The following SCOC variants were observed in gnomAD, a reference collection of about 807,000 sequenced individuals.
SCOC encodes the protein short coiled coil protein.
SCOC carries 7 observed loss-of-function variants against 9.9 expected under a neutral mutation model. The observed-to-expected ratio is 0.71, with a 90% CI of 0.40 to 1.33. The LOEUF (loss-of-function observed/expected upper bound fraction) is 1.33. Among genes scored for constraint, SCOC ranks in the 40% most tolerant of loss-of-function variants. The pLI is 0.01. For synonymous variants in SCOC, 19 were observed against 28.2 expected (o/e 0.67, Z 1.03); for missense variants, 66 against 89.7 (o/e 0.74, Z 1.07).
At chr4:140,281,960 C>T (rs1392502011) in intron 1 of SCOC, among the ~76,000 whole-genome samples, 1 of 152,108 alleles carries the variant, frequency 6.6e-6, no homozygotes, top group Non-Finnish European at 1.5e-5. Flanking sequence ...AATTGGGTAT[C>T]CTATATACAT....
At chr4:140,368,499 G>A (rs955020563) in intron 2 of SCOC, among the ~76,000 whole-genome samples, 16 of 152,162 alleles carry the variant, frequency 1.1e-4, no homozygotes, top group African/African-American at 3.9e-4. Context: ...AATAAGGACT[G>A]TAAACCAAAA....
At chr4:140,313,546 C>T (rs1032098721) in intron 1 of SCOC, among the ~76,000 whole-genome samples, 18 of 152,272 alleles carry the variant, frequency 1.2e-4, no homozygotes, top group African/African-American at 4.3e-4. Flanking sequence ...ACGACTGTGC[C>T]CGGCGGAAAT....
chr4:140,362,313 T>TCTTCCTCTTCC (rs1727594134), intron 2 of SCOC, among the ~76,000 whole-genome samples: 1 of 84,176 alleles, frequency 1.2e-5, no homozygotes, highest in Non-Finnish European at 2.7e-5. Context: ...TTTTTTTTTT[T>TCTTCCTCTTCC]TTGTGAGAGT....
chr4:140,312,856 G>A (rs1393654086), intron 1 of SCOC, among the ~76,000 whole-genome samples: 3 of 152,004 alleles, frequency 2.0e-5, no homozygotes, highest in Admixed American at 1.3e-4. Context: ...CCTTTTTGCT[G>A]AATTTTTAAG....
intron 1 of SCOC, among the ~76,000 whole-genome samples, chr4:140,322,156 C>G (rs1732517997): frequency 1.3e-5 from 2 of 152,266 alleles, no homozygotes; most frequent in South Asian, 4.1e-4. Context: ...TAGTCTAAAA[C>G]AGACTATGAC....
intron 1 of SCOC, among the ~76,000 whole-genome samples, chr4:140,302,551 T>C (rs1400572095): frequency 2.0e-5 from 3 of 152,232 alleles, no homozygotes; most frequent in Non-Finnish European, 4.4e-5. Flanking sequence ...CGTTCTCCCA[T>C]TCATACATGA....
chr4:140,260,409 C>T (rs1029359768), intron 1 of SCOC, among the ~76,000 whole-genome samples: 13 of 152,116 alleles, frequency 8.5e-5, no homozygotes, highest in Admixed American at 5.9e-4. Flanking sequence ...GAAATGATGG[C>T]GAGTGTGTTT....
At chr4:140,370,425 G>T (rs1436783460), upstream of SCOC, among the ~76,000 whole-genome samples, 1 of 152,124 alleles carries the variant, frequency 6.6e-6, no homozygotes, top group Non-Finnish European at 1.5e-5. Context: ...TCAGAAATTT[G>T]CCAGCCTTTT....
intron 1 of SCOC, among the ~76,000 whole-genome samples, chr4:140,319,925 A>G (rs1288821498): frequency 6.6e-6 from 1 of 152,208 alleles, no homozygotes; most frequent in East Asian, 1.9e-4. Context: ...TGCATAAAAA[A>G]CTGGTAAGAA....
At chr4:140,268,743 A>G (rs115810130) in intron 1 of SCOC, among the ~76,000 whole-genome samples, 3,053 of 152,250 alleles carry the variant, frequency 0.02, 96 homozygotes, top group African/African-American at 0.069. Context: ...CAACAGGGGC[A>G]TGGGGTTTGA....
At chr4:140,288,807 C>T (rs1204725907) in intron 1 of SCOC, among the ~76,000 whole-genome samples, 5 of 152,052 alleles carry the variant, frequency 3.3e-5, no homozygotes, top group Admixed American at 2.6e-4. Context: ...ACACAGTACA[C>T]GTAAATACCC....
intron 1 of SCOC, among the ~76,000 whole-genome samples, chr4:140,278,292 G>A (rs933038730): frequency 6.6e-6 from 1 of 150,962 alleles, no homozygotes; most frequent in Admixed American, 6.6e-5. Flanking sequence ...GAGGGAGGCA[G>A]CTCTCTGAAG....
At chr4:140,336,866 T>G (rs995872456) in intron 1 of SCOC, among the ~76,000 whole-genome samples, 2 of 152,210 alleles carry the variant, frequency 1.3e-5, no homozygotes, top group Non-Finnish European at 2.9e-5. Context: ...ATGTTTCTAT[T>G]TCTCCATATC....
chr4:140,306,136 A>G (rs1389584879), intron 1 of SCOC, among the ~76,000 whole-genome samples: 1 of 152,202 alleles, frequency 6.6e-6, no homozygotes, highest in Non-Finnish European at 1.5e-5. Flanking sequence ...ATGGCTGGGG[A>G]GGTCTCACAA....
upstream of SCOC, chr4:140,343,320 C>T (rs1250828614): frequency 4.4e-6 from 1 of 227,448 alleles, no homozygotes; most frequent in Non-Finnish European, 8.6e-6. Context: ...GGACAATTTC[C>T]TTGAGCAATT....
chr4:140,322,196 G>A (rs1051405255), intron 1 of SCOC, among the ~76,000 whole-genome samples: 1 of 152,190 alleles, frequency 6.6e-6, no homozygotes, highest in African/African-American at 2.4e-5. Flanking sequence ...GTGAGGTGTT[G>A]CTGTAATAAA....
chr4:140,327,594 G>A (rs1445241401), intron 1 of SCOC, among the ~76,000 whole-genome samples: 1 of 152,184 alleles, frequency 6.6e-6, no homozygotes, highest in Non-Finnish European at 1.5e-5. Context: ...GTAAAGGGCA[G>A]CTTGGATAAC....
chr4:140,315,909 A>T (rs1161911440), intron 1 of SCOC, among the ~76,000 whole-genome samples: 1 of 152,158 alleles, frequency 6.6e-6, no homozygotes, highest in Non-Finnish European at 1.5e-5. Flanking sequence ...GTACTGTAGC[A>T]TTAAGATAGC....
At chr4:140,306,515 A>G (rs1206626365) in intron 1 of SCOC, among the ~76,000 whole-genome samples, 1 of 152,194 alleles carries the variant, frequency 6.6e-6, no homozygotes, top group Non-Finnish European at 1.5e-5. Flanking sequence ...AAGAGCAAAC[A>G]GGAGATGTAG....
Sources: gnomAD v4.1 joint callset for allele counts (sites outside exome capture counted in the v4.1 genomes callset) on GRCh38, gnomAD v4.1.1 for gene constraint, MANE v1.5 for transcripts, NCBI Gene and HGNC (gene_info 2026-07-23, HGNC 2026-07-21) for gene names.